Variants in NIPBL observed in about 807,000 individuals in gnomAD.
The protein encoded by NIPBL is NIPBL cohesin loading factor.
Under a neutral mutation model 321.8 loss-of-function variants are expected in NIPBL, and 19 were observed. That is an observed-to-expected ratio of 0.06 (90% CI 0.04 to 0.09). NIPBL has a LOEUF of 0.09. NIPBL is among the 10% of genes least tolerant of loss of function. The pLI is 1.00. For synonymous variants in NIPBL, 1,106 were observed against 1,114.1 expected (o/e 0.99, Z 0.14); for missense variants, 2,210 against 3,327.0 (o/e 0.66, Z 8.26).
chr5:36,937,732 C>T (rs958841876), intron 1 of NIPBL, among the ~76,000 whole-genome samples: 30 of 152,280 alleles, frequency 2.0e-4, no homozygotes, highest in Admixed American at 6.5e-4. Context: ...TACTAATTCA[C>T]TTTTATTTTA....
chr5:37,016,998 A>G (rs1749072900), intron 23 of NIPBL, 21 bp from the exon 24 acceptor site: 2 of 1,531,434 alleles, frequency 1.3e-6, no homozygotes, highest in African/African-American at 2.7e-5. Context: ...CTATTCAATC[A>G]AAAACTATTT....
chr5:36,877,567 A>G (rs1745185723), intron 1 of NIPBL, among the ~76,000 whole-genome samples: 1 of 152,212 alleles, frequency 6.6e-6, no homozygotes, highest in African/African-American at 2.4e-5. Context: ...CGGAAACAAT[A>G]CAACTAACAG....
At chr5:36,998,288 TTTTAA>T (rs949498730) in intron 11 of NIPBL, among the ~76,000 whole-genome samples, 3 of 152,120 alleles carry the variant, frequency 2.0e-5, no homozygotes, top group Admixed American at 6.6e-5. Context: ...GTTGTTTTTT[TTTTAA>T]TTTGTCACCC....
rs1755314125 is a variant in NIPBL, at chr5:37,065,912, C to CTT, written c.*1020_*1021insTT. The CTT allele has an allele frequency of 6.6e-6, 1 of 152,440 alleles. No homozygotes were observed. Among genetic ancestry groups the CTT allele is most frequent in the Non-Finnish European group, 1.5e-5 (1 of 67,986 alleles). The allele number at this position is 152,440 out of a possible 1,614,324, so 9.4% of individuals were successfully genotyped here. On this transcript the variant is annotated 3_prime_UTR_variant, in exon 47 of 47. Transcript: ENST00000282516. ...TAAAGGTAACCTGTTATTTGGAAAA[C>CTT]CAGCATTTCTCTTGGTTAAAATGAT...
chr5:36,889,348 C>G (rs1472320775), intron 1 of NIPBL, among the ~76,000 whole-genome samples: 1 of 152,074 alleles, frequency 6.6e-6, no homozygotes, highest in Non-Finnish European at 1.5e-5. Flanking sequence ...TTCTGAACCC[C>G]CATGTTCACT....
chr5:36,896,245 A>G (rs1746727434), intron 1 of NIPBL, among the ~76,000 whole-genome samples: 1 of 152,202 alleles, frequency 6.6e-6, no homozygotes, highest in African/African-American at 2.4e-5. Flanking sequence ...ATGTAAATTT[A>G]AGAGTTTATT....
intron 9 of NIPBL, among the ~76,000 whole-genome samples, chr5:36,980,535 G>T (rs1428559189): frequency 6.6e-6 from 1 of 151,512 alleles, no homozygotes. Flanking sequence ...TTTATGTTTA[G>T]ATATGTTTTA....
intron 10 of NIPBL, chr5:36,995,243 T>G (rs192286791): frequency 2.9e-4 from 53 of 184,676 alleles, no homozygotes; most frequent in Middle Eastern, 2.6e-3. Context: ...AAAACAAAAT[T>G]TATGTACTAC....
rs545953659 is a variant in NIPBL, at chr5:36,886,780, G to C, written c.-80+9602G>C. 9.9e-5 allele frequency among the ~76,000 whole-genome samples: 15 copies of C among 150,928 alleles called. No homozygotes were observed. In the South Asian group the frequency reaches 3.2e-3, roughly 32 times the overall value. On this transcript the variant is annotated intron_variant, in intron 1 of 46. Coordinates refer to ENST00000282516, the MANE Select transcript of NIPBL (RefSeq NM_133433.4). ...TGTATCCCTTTGTAATCAGTTTCCT[G>C]CTCCTACTGCAGCCCGAGGCAACTA...
intron 16 of NIPBL, among the ~76,000 whole-genome samples, chr5:37,005,645 G>A (rs970089902): frequency 3.3e-5 from 5 of 151,980 alleles, no homozygotes; most frequent in South Asian, 4.1e-4. Context: ...GTTTTTGTTC[G>A]TTTTCCTAGG....
chr5:37,061,136 T>C (rs1184420285), intron 45 of NIPBL, 118 bp downstream of exon 45: 1 of 733,628 alleles, frequency 1.4e-6, no homozygotes, highest in East Asian at 2.7e-5. Context: ...TCATGAACTA[T>C]CAAGATAATT....
Position 36,986,349 on chromosome 5 carries a change from T to A in NIPBL, c.3121+48T>A, listed in dbSNP as rs774743586. 4.9e-6 allele frequency: 6 copies of A among 1,233,516 alleles called. No individual in the cohort carries two copies. In the South Asian group the frequency reaches 1.4e-4, roughly 28 times the overall value. The allele number at this position is 1,233,516 out of a possible 1,614,324, so 76.4% of individuals were successfully genotyped here. ...CATTTATAATATAATCGATTTTAAGTGTTAAGATTACTAAGTTTTAAAAAG... is the reference window on the plus strand; with the variant it reads ...CATTTATAATATAATCGATTTTAAGAGTTAAGATTACTAAGTTTTAAAAAG... On this transcript the variant is annotated intron_variant, in intron 10 of 46. Coordinates refer to ENST00000282516, the MANE Select transcript of NIPBL (RefSeq NM_133433.4).
At chr5:36,923,181 C>G (rs1260084529) in intron 1 of NIPBL, among the ~76,000 whole-genome samples, 1 of 151,982 alleles carries the variant, frequency 6.6e-6, no homozygotes. Context: ...TGGCGTGCAC[C>G]TGTAGTCCCA....
chr5:36,992,523 T>C (rs1183781196), intron 10 of NIPBL, among the ~76,000 whole-genome samples: 1 of 152,046 alleles, frequency 6.6e-6, no homozygotes, highest in Non-Finnish European at 1.5e-5. Context: ...AGGATCCTTT[T>C]GTTTTTTTAA....
intron 9 of NIPBL, 88 bp downstream of exon 9, chr5:36,976,490 G>A (rs376431793): frequency 3.2e-5 from 42 of 1,314,406 alleles, no homozygotes; most frequent in East Asian, 4.9e-5. Flanking sequence ...CTTTTTTCCC[G>A]AATATTTTGT....
In NIPBL at chr5:36,933,798, A is replaced by C. The variant is rs1749960759; in HGVS notation, c.-79-19820A>C. On this transcript the variant is annotated intron_variant, in intron 1 of 46. Transcript: ENST00000282516. ...CCATATTTATATTTTATAAGTAAAA[A>C]GTTACTCATATTGCTAGCTTTTTGT... Among the ~76,000 whole-genome samples the C allele has an allele frequency of 2.0e-5, 3 of 151,950 alleles. No individual in the cohort carries two copies. In the South Asian group the frequency reaches 6.2e-4, roughly 31 times the overall value.
At chr5:36,924,157 A>G (rs1365381642) in intron 1 of NIPBL, among the ~76,000 whole-genome samples, 1 of 152,152 alleles carries the variant, frequency 6.6e-6, no homozygotes, top group Non-Finnish European at 1.5e-5. Context: ...GATAACAGCT[A>G]TTTTCCTCTT....
At chr5:36,971,641 A>C (rs1226866596) in intron 7 of NIPBL, 1 of 161,100 alleles carries the variant, frequency 6.2e-6, no homozygotes, top group Non-Finnish European at 1.3e-5. Context: ...CTCTGCCCTC[A>C]AGTCATTTAC....
rs532327560 is a variant in NIPBL, at chr5:36,880,730, T to G, written c.-80+3552T>G. ...TTAAGATGGACTTTTTAAGCAAAGTTTTTCGTTTTTTCAGCAGTTGTCATT... is the reference window on the plus strand; with the variant it reads ...TTAAGATGGACTTTTTAAGCAAAGTGTTTCGTTTTTTCAGCAGTTGTCATT... On this transcript the variant is annotated intron_variant, in intron 1 of 46. Transcript: ENST00000282516. Among the ~76,000 whole-genome samples, 73 of 152,020 alleles carry G rather than the reference T, an allele frequency of 4.8e-4. 1 individual carries two copies. Among genetic ancestry groups the G allele is most frequent in the Admixed American group, 7.9e-4 (12 of 15,272 alleles).
Sources: allele counts gnomAD v4.1 joint callset (sites outside exome capture counted in the v4.1 genomes callset), GRCh38; gene constraint gnomAD v4.1.1; transcripts MANE v1.5; gene names NCBI Gene and HGNC (gene_info 2026-07-23, HGNC 2026-07-21).